ABCB1: variants seen among roughly 807,000 people sequenced by gnomAD.
ABCB1 encodes the protein ATP binding cassette subfamily B member 1.
ABCB1 carries 69 observed loss-of-function variants against 142.0 expected under a neutral mutation model. That is an observed-to-expected ratio of 0.49 (90% CI 0.40 to 0.59). The LOEUF is 0.59. Ranked by LOEUF, ABCB1 falls within the 20% of genes least tolerant of loss-of-function variation. ABCB1 has a pLI of 0.00. For missense variants in ABCB1, 1,326 were observed against 1,554.7 expected, an observed-to-expected ratio of 0.85 and a Z score of 2.47; for synonymous variants, 532 against 539.2, an observed-to-expected ratio of 0.99 and a Z score of 0.18.
chr7:87,596,187 C>T (rs1819201548), intron 2 of ABCB1, among the ~76,000 whole-genome samples: 1 of 151,952 alleles, frequency 6.6e-6, no homozygotes, highest in African/African-American at 2.4e-5. Context: ...ATTCATGCTT[C>T]CCCTTAATTA....
intron 21 of ABCB1, among the ~76,000 whole-genome samples, chr7:87,524,491 A>G (rs1373428666): frequency 2.0e-5 from 3 of 152,130 alleles, no homozygotes; most frequent in South Asian, 4.1e-4. Flanking sequence ...AGGACAAAAA[A>G]CCAAACACCG....
At chr7:87,649,996 T>C (rs1823418547) in intron 1 of ABCB1, among the ~76,000 whole-genome samples, 1 of 152,194 alleles carries the variant, frequency 6.6e-6, no homozygotes, top group South Asian at 2.1e-4. Flanking sequence ...ATCTCTTTCC[T>C]TTATAAATTA....
chr7:87,617,293 G>A (rs1820062461), intron 1 of ABCB1, among the ~76,000 whole-genome samples: 1 of 152,118 alleles, frequency 6.6e-6, no homozygotes, highest in Non-Finnish European at 1.5e-5. Context: ...GTTCTCCAAT[G>A]TACTTTTCTT....
rs139503670 is a variant in ABCB1, at chr7:87,700,448, G to C, written c.-331+12713C>G. 2.5e-6 allele frequency: 4 copies of C among 1,612,114 alleles called. No individual in the cohort carries two copies. In the African/African-American group the frequency reaches 5.3e-5, roughly 22 times the overall value. Reference sequence around the variant, plus strand: ...CAAGTAACCTGGTTTGGTTATGAAAGTCCTCGTAGCTTCTGGGACTATATC... The same window carrying C: ...CAAGTAACCTGGTTTGGTTATGAAACTCCTCGTAGCTTCTGGGACTATATC... On this transcript the variant is annotated intron_variant, in intron 1 of 28. Coordinates refer to the ABCB1 transcript ENST00000265724.
At chr7:87,675,127 A>G (rs920772132) in intron 1 of ABCB1, among the ~76,000 whole-genome samples, 3 of 152,180 alleles carry the variant, frequency 2.0e-5, no homozygotes, top group Non-Finnish European at 4.4e-5. Context: ...CCTTTTCCCC[A>G]GAAGATGCTG....
chr7:87,654,548 A>G (rs1178698620), intron 1 of ABCB1, among the ~76,000 whole-genome samples: 1 of 152,020 alleles, frequency 6.6e-6, no homozygotes, highest in Admixed American at 6.6e-5. Context: ...ATGAAATTAG[A>G]CCCTTCACAC....
At chr7:87,673,878 T>G (rs1246490864) in intron 1 of ABCB1, among the ~76,000 whole-genome samples, 1 of 152,088 alleles carries the variant, frequency 6.6e-6, no homozygotes, top group Non-Finnish European at 1.5e-5. Context: ...CTTGGATGGG[T>G]TTTTTTGCTT....
intron 21 of ABCB1, among the ~76,000 whole-genome samples, chr7:87,528,403 C>T (rs1815891940): frequency 6.6e-6 from 1 of 151,966 alleles, no homozygotes; most frequent in Admixed American, 6.6e-5. Flanking sequence ...TTATAACATA[C>T]TTAACTTTTT....
intron 23 of ABCB1, 56 bp from the exon 24 acceptor site, chr7:87,516,721 G>C: frequency 2.8e-5 from 31 of 1,103,526 alleles, no homozygotes; most frequent in Non-Finnish European, 3.7e-5. Flanking sequence ...ATGCTAGAAA[G>C]CTGACACTCC....
At chr7:87,569,415 T>G (rs932947441) in intron 5 of ABCB1, among the ~76,000 whole-genome samples, 1 of 152,052 alleles carries the variant, frequency 6.6e-6, no homozygotes, top group Non-Finnish European at 1.5e-5. Context: ...TTTCTTCTGA[T>G]TCACCTACAC....
chr7:87,631,453 C>T (rs529907362), intron 1 of ABCB1, among the ~76,000 whole-genome samples: 104 of 152,246 alleles, frequency 6.8e-4, no homozygotes, highest in Non-Finnish European at 1.0e-3. Flanking sequence ...AGCAGTGGCG[C>T]GATCTCGGCT....
rs778508909 is a variant in ABCB1 at position 87,519,801 on chromosome 7, T to C, written c.2787-335A>G. ...TTTCTCCCCACTTTTGGACACACAG[T>C]ATGGAAGTACTCTACGTAAATATTC... is the stretch of plus-strand genomic sequence containing the variant. On this transcript the variant is annotated intron_variant, in intron 22 of 27. Coordinates refer to ENST00000622132, the MANE Select transcript of ABCB1 (RefSeq NM_001348946.2). Among the ~76,000 whole-genome samples, 38 of 152,280 alleles carry C rather than the reference T, an allele frequency of 2.5e-4. 1 individual carries two copies. Among genetic ancestry groups the C allele is most frequent in the South Asian group, 8.3e-4 (4 of 4,832 alleles).
chr7:87,633,836 C>A (rs1452499761), intron 1 of ABCB1, among the ~76,000 whole-genome samples: 3 of 152,090 alleles, frequency 2.0e-5, no homozygotes, highest in Non-Finnish European at 4.4e-5. Context: ...ATATTAATGA[C>A]AGTATAATCT....
At chr7:87,618,193 T>C (rs1019684270) in intron 1 of ABCB1, among the ~76,000 whole-genome samples, 2 of 152,194 alleles carry the variant, frequency 1.3e-5, no homozygotes, top group African/African-American at 4.8e-5. Context: ...CAACTTCTTT[T>C]ATATGTTCTT....
chr7:87,616,122 C>T (rs2130075354), intron 1 of ABCB1, among the ~76,000 whole-genome samples: 1 of 152,082 alleles, frequency 6.6e-6, no homozygotes, highest in East Asian at 1.9e-4. Flanking sequence ...TAAGCATCTA[C>T]CTTCTAAAAT....
chr7:87,516,954 C>T (rs1815281461), intron 23 of ABCB1, among the ~76,000 whole-genome samples: 2 of 151,904 alleles, frequency 1.3e-5, no homozygotes, highest in Admixed American at 1.3e-4. Context: ...CCAGGCTGGT[C>T]TCGAACTACC....
chr7:87,700,129 G>A (rs1388860435), intron 1 of ABCB1, among the ~76,000 whole-genome samples: 1 of 152,036 alleles, frequency 6.6e-6, no homozygotes, highest in South Asian at 2.1e-4. Context: ...CAAATAGGAT[G>A]TTAAATGGCA....
chr7:87,671,126 TG>T (rs1434868984), intron 1 of ABCB1, among the ~76,000 whole-genome samples: 2 of 152,194 alleles, frequency 1.3e-5, no homozygotes, highest in African/African-American at 4.8e-5. Flanking sequence ...ATGGAGGGTC[TG>T]TACTGTGGCC....
intron 21 of ABCB1, among the ~76,000 whole-genome samples, chr7:87,528,051 T>C (rs1221468649): frequency 1.3e-5 from 2 of 152,136 alleles, no homozygotes; most frequent in Non-Finnish European, 2.9e-5. Context: ...GGAACTCCCC[T>C]TTATAAAATC....
Sources: allele counts gnomAD v4.1 joint callset (sites outside exome capture counted in the v4.1 genomes callset), GRCh38; gene constraint gnomAD v4.1.1; transcripts MANE v1.5; gene names NCBI Gene and HGNC (gene_info 2026-07-23, HGNC 2026-07-21).